The following GTF2H1 variants were observed in gnomAD, a reference collection of about 807,000 sequenced individuals.
GTF2H1 encodes the protein BTF2 p62.
Under a neutral mutation model 71.2 loss-of-function variants are expected in GTF2H1, and 16 were observed. The observed-to-expected ratio is 0.22, with a 90% CI of 0.15 to 0.34. The LOEUF (loss-of-function observed/expected upper bound fraction) is 0.34, where lower values mean the gene tolerates loss of function less well. Among genes scored for constraint, GTF2H1 ranks in the 10% least tolerant of loss-of-function variants. The probability of loss-of-function intolerance (pLI) is 1.00; values close to 1 mark genes in which losing one functional copy is unlikely to be tolerated. For missense variants in GTF2H1, 498 were observed against 648.2 expected, an observed-to-expected ratio of 0.77 and a Z score of 2.52; for synonymous variants, 215 against 219.0, an observed-to-expected ratio of 0.98 and a Z score of 0.16.
intron 3 of GTF2H1, among the ~76,000 whole-genome samples, chr11:18,337,109 CTG>C (rs1272933492): frequency 1.3e-5 from 2 of 152,120 alleles, no homozygotes; most frequent in Non-Finnish European, 2.9e-5. Flanking sequence ...GTGCTTATAT[CTG>C]TGCATGCTTA....
At position 18,347,572 on chromosome 11, in the gene GTF2H1, C is replaced by T. The variant is rs763507663; in HGVS notation, c.838-16C>T. ...AGAACCTTTTTAAAAAATTTTTAAT[C>T]TATTATTTCTCACAGGGCTATGGCA... On this transcript the variant is annotated splice_polypyrimidine_tract_variant and intron_variant, in intron 7 of 14. Coordinates refer to ENST00000265963, the MANE Select transcript of GTF2H1 (RefSeq NM_005316.4). 3 of 1,545,308 alleles carry T rather than the reference C, an allele frequency of 1.9e-6. No homozygotes were observed. Among genetic ancestry groups the T allele is most frequent in the Admixed American group, 2.1e-5 (1 of 47,198 alleles).
intron 9 of GTF2H1, chr11:18,348,534 C>G (rs1865352031): frequency 6.6e-6 from 1 of 152,364 alleles, no homozygotes; most frequent in African/African-American, 2.4e-5. Context: ...CTTAGTTCTA[C>G]TTGTGGACAT....
At chr11:18,365,088 A>C (rs1476727095) in intron 14 of GTF2H1, among the ~76,000 whole-genome samples, 1 of 151,366 alleles carries the variant, frequency 6.6e-6, no homozygotes, top group Non-Finnish European at 1.5e-5. Context: ...GAAAAAAAAA[A>C]AAAACCTGGC....
chr11:18,338,927 G>A lies in GTF2H1; in HGVS notation c.514-637G>A, dbSNP rs570888989. On this transcript the variant is annotated intron_variant, in intron 4 of 14. Transcript: ENST00000265963. ...ACTTTTTCAAATATTTTCAAATGTAGGGCTTTCTGCTGCCTTTTTAAACCT... is the reference window on the plus strand; with the variant it reads ...ACTTTTTCAAATATTTTCAAATGTAAGGCTTTCTGCTGCCTTTTTAAACCT... 2.0e-5 allele frequency among the ~76,000 whole-genome samples: 3 copies of A among 152,134 alleles called. No homozygotes were observed. In the South Asian group the frequency reaches 6.2e-4, roughly 32 times the overall value.
Position 18,367,043 on chromosome 11 carries a change from T to G in GTF2H1, c.*1174T>G, listed in dbSNP as rs1865841864. 6.6e-6 allele frequency: 1 copy of G among 152,210 alleles called. No individual in the cohort carries two copies. The highest frequency in any genetic ancestry group is 6.5e-5 in the Admixed American group (1 of 15,284). 9.4% of individuals were successfully genotyped at this position (152,210 alleles called of 1,614,324 possible). Reference sequence around the variant, plus strand: ...CTTTTTATACTTACCCTTTTAACTCTAACACATCTCTGGTTTCTCATTATG... The same window carrying G: ...CTTTTTATACTTACCCTTTTAACTCGAACACATCTCTGGTTTCTCATTATG... On this transcript the variant is annotated 3_prime_UTR_variant, in exon 15 of 15. Coordinates refer to ENST00000265963, the MANE Select transcript of GTF2H1 (RefSeq NM_005316.4).
At position 18,358,526 on chromosome 11, in the gene GTF2H1, G is replaced by A. The variant is rs1865619564; in HGVS notation, c.1353G>A (p.Gln451=). ...ATGGGCCTTGTTCTTCTTTTGCAGA[G>A]ATGGTGCCAAATGATATTCAATCTG... ...MQGGTQQAIN[Q]MVPNDIQSEL... The change falls in exon 13 of 15, where the codon CAG becomes CAA. Residue 451 remains glutamine (Q), a splice_region_variant and synonymous_variant. Transcript: ENST00000265963. The A allele has an allele frequency of 6.4e-7, 1 of 1,573,840 alleles. No individual in the cohort carries two copies. The highest frequency in any genetic ancestry group is 8.7e-7 in the Non-Finnish European group (1 of 1,143,572).
intron 14 of GTF2H1, among the ~76,000 whole-genome samples, chr11:18,363,747 T>A (rs1257471779): frequency 6.6e-6 from 1 of 152,102 alleles, no homozygotes; most frequent in Non-Finnish European, 1.5e-5. Flanking sequence ...GCCTTCTCAA[T>A]TGATTATAAC....
At chr11:18,345,830 C>T (rs1258747272) in intron 7 of GTF2H1, among the ~76,000 whole-genome samples, 14 of 132,740 alleles carry the variant, frequency 1.1e-4, no homozygotes, top group Non-Finnish European at 9.3e-5. Context: ...CTTGCTGTCA[C>T]CCAGGCTAGA....
At chr11:18,339,792 CATATG>C (rs1369192623) in intron 5 of GTF2H1, 135 bp downstream of exon 5, 1 of 591,900 alleles carries the variant, frequency 1.7e-6, no homozygotes, top group African/African-American at 1.9e-5. Context: ...CAGTGCCTGA[CATATG>C]GTAGATACTA....
chr11:18,341,626 A>ATTCTT lies in GTF2H1; in HGVS notation c.837+19_837+20insTTCTT, dbSNP rs1565009991. On this transcript the variant is annotated intron_variant, in intron 7 of 14. Transcript: ENST00000265963. ...AGATGAGGTAAGAAGCAATAAAAGA[A>ATTCTT]GTTTTGAGAGAAAAGAGTCTTTTCC... The ATTCTT allele has an allele frequency of 6.7e-7, 1 of 1,482,024 alleles. No individual in the cohort carries two copies. 91.8% of individuals were successfully genotyped at this position (1,482,024 alleles called of 1,614,324 possible).
intron 1 of GTF2H1, among the ~76,000 whole-genome samples, chr11:18,323,663 G>C (rs935944941): frequency 2.0e-5 from 3 of 152,118 alleles, no homozygotes; most frequent in African/African-American, 7.2e-5. Context: ...ACATTTTAAA[G>C]GAGTGGAACA....
chr11:18,360,796 T>A, intron 14 of GTF2H1, 89 bp downstream of exon 14: 1 of 703,180 alleles, frequency 1.4e-6, no homozygotes, highest in Non-Finnish European at 2.4e-6. Flanking sequence ...AATGAGTAGA[T>A]ACTTAATTTT....
At chr11:18,352,589 G>C (rs1008382522) in intron 11 of GTF2H1, 143 bp downstream of exon 11, 4 of 487,072 alleles carry the variant, frequency 8.2e-6, no homozygotes, top group African/African-American at 7.9e-5. Flanking sequence ...AAAATCAAGA[G>C]GTAGCAAGAA....
At chr11:18,347,996 G>A (rs761995725) in intron 9 of GTF2H1, 77 bp downstream of exon 9, 44 of 913,824 alleles carry the variant, frequency 4.8e-5, no homozygotes, top group South Asian at 4.5e-4. Context: ...TACTGTATAC[G>A]CTTATTTCCT....
Position 18,344,691 on chromosome 11 carries a change from C to A in GTF2H1, c.838-2897C>A, listed in dbSNP as rs1268647108. ...TCCCCTATGTGAATCTCTTCATTAT[C>A]TTCTCATTGAGCTTAGAATAAAATC... On this transcript the variant is annotated intron_variant, in intron 7 of 14. Coordinates refer to ENST00000265963, the MANE Select transcript of GTF2H1 (RefSeq NM_005316.4). Among the ~76,000 whole-genome samples the A allele has an allele frequency of 2.7e-5, 4 of 150,876 alleles. No homozygotes were observed. The East Asian group carries it at 7.8e-4, about 29-fold the overall frequency.
Position 18,365,791 on chromosome 11 carries a change from T to G in GTF2H1, c.1569T>G (p.Ser523Arg). 6.2e-7 allele frequency: 1 copy of G among 1,612,092 alleles called. No individual in the cohort carries two copies. Among genetic ancestry groups the G allele is most frequent in the Admixed American group, 1.7e-5 (1 of 59,998 alleles). The part of the protein sequence containing the change: ...RRQYLSTNLV[S>R]HIEEMLQTAY... Reference sequence around the variant, plus strand: ...CTTGCTGTGTTTTTCAGTTGGTAAGTCACATAGAAGAGATGCTCCAGACAG... The same window carrying G: ...CTTGCTGTGTTTTTCAGTTGGTAAGGCACATAGAAGAGATGCTCCAGACAG... The change falls in exon 15 of 15, where the codon AGT becomes AGG. Residue 523 changes from serine (S) to arginine (R), a missense_variant. Transcript: ENST00000265963.
Position 18,341,321 on chromosome 11 carries a change from G to GT in GTF2H1, c.674dup (p.Gln226ProfsTer26). 1 of 1,613,738 alleles carries GT rather than the reference G, an allele frequency of 6.2e-7. No individual in the cohort carries two copies. Among genetic ancestry groups the GT allele is most frequent in the Non-Finnish European group, 8.5e-7 (1 of 1,179,728 alleles). ...ATGACAGAGAAGGAATTCTGGACAC[G>GT]TTTTTTCCAGTCCCATTATTTTCAC... On this transcript the variant is annotated frameshift_variant, in exon 6 of 15. Coordinates refer to ENST00000265963, the MANE Select transcript of GTF2H1 (RefSeq NM_005316.4). LOFTEE classifies it high-confidence loss of function.
At chr11:18,347,398 G>A (rs1018726818) in intron 7 of GTF2H1, 190 bp from the exon 8 acceptor site, 7 of 492,130 alleles carry the variant, frequency 1.4e-5, no homozygotes, top group Middle Eastern at 1.1e-3. Context: ...ATGCTAAAAC[G>A]AGTTAGTGCT....
intron 2 of GTF2H1, chr11:18,333,563 T>TG (rs1370369465): frequency 1.8e-5 from 3 of 169,408 alleles, no homozygotes; most frequent in African/African-American, 7.1e-5. Flanking sequence ...ATTTTTTTAT[T>TG]GCAGTGTTTG....
Sources: gnomAD v4.1 joint callset for allele counts (sites outside exome capture counted in the v4.1 genomes callset) on GRCh38, gnomAD v4.1.1 for gene constraint, MANE v1.5 for transcripts, NCBI Gene and HGNC (gene_info 2026-07-23, HGNC 2026-07-21) for gene names.